The following OSBPL2 variants were observed in gnomAD, a reference collection of about 807,000 sequenced individuals.
The protein encoded by OSBPL2 is oxysterol binding protein like 2, also known as oxysterol-binding protein-related protein 2.
A neutral mutation model predicts 58.4 loss-of-function variants in OSBPL2; 18 were observed. The observed-to-expected ratio is 0.31, with a 90% CI of 0.21 to 0.46. OSBPL2 has a LOEUF of 0.46. OSBPL2 is among the 20% of genes least tolerant of loss of function. The pLI, the probability that OSBPL2 is intolerant of heterozygous loss-of-function variation, is 1.00. For synonymous variants in OSBPL2, 221 were observed against 234.1 expected (o/e 0.94, Z 0.51); for missense variants, 461 against 616.5 (o/e 0.75, Z 2.67).
intron 1 of OSBPL2, among the ~76,000 whole-genome samples, chr20:62,248,326 TGTATATTTTG>T (rs1980289966): frequency 6.6e-6 from 1 of 151,810 alleles, no homozygotes; most frequent in African/African-American, 2.4e-5. Context: ...GGCTAATTTT[TGTATATTTTG>T]GTAGAGATGG....
intron 7 of OSBPL2, chr20:62,279,626 G>A: frequency 2.1e-6 from 1 of 483,700 alleles, no homozygotes; most frequent in South Asian, 2.6e-5. Flanking sequence ...TCTGCAGTTG[G>A]AACTCACCCC....
At chr20:62,265,006 T>C (rs1981575017) in intron 4 of OSBPL2, among the ~76,000 whole-genome samples, 1 of 152,242 alleles carries the variant, frequency 6.6e-6, no homozygotes, top group Non-Finnish European at 1.5e-5. Flanking sequence ...TTAGTGGGAC[T>C]GTTAACCTGA....
chr20:62,252,694 T>TAAA (rs1371857453), intron 1 of OSBPL2, among the ~76,000 whole-genome samples: 1 of 152,132 alleles, frequency 6.6e-6, no homozygotes, highest in African/African-American at 2.4e-5. Context: ...TAAGGAAAGG[T>TAAA]CGTTTAATTA....
intron 1 of OSBPL2, among the ~76,000 whole-genome samples, chr20:62,239,944 C>G (rs540337108): frequency 6.6e-5 from 10 of 152,330 alleles, no homozygotes; most frequent in African/African-American, 2.2e-4. Flanking sequence ...CCTCCGTCTC[C>G]CGGCTTCAAG....
Position 62,272,435 on chromosome 20 carries a change from G to T in OSBPL2, c.393+176G>T, listed in dbSNP as rs530466874. Among the ~76,000 whole-genome samples, 86 of 152,288 alleles carry T rather than the reference G, an allele frequency of 5.6e-4. No homozygotes were observed. In the Middle Eastern group the frequency reaches 0.014, roughly 24 times the overall value. ...TGTCCTGTCACCACAGGTGTGTGAT[G>T]ACAGAACTTGCCGGAAATGCCATTG... On this transcript the variant is annotated intron_variant, in intron 5 of 13. Coordinates refer to ENST00000313733, the MANE Select transcript of OSBPL2 (RefSeq NM_144498.4).
At chr20:62,263,788 G>A (rs550351557) in intron 4 of OSBPL2, 97 bp downstream of exon 4, 36 of 1,106,868 alleles carry the variant, frequency 3.3e-5, no homozygotes, top group East Asian at 2.4e-4. Flanking sequence ...GCTCTTGGCC[G>A]GGCGCGGTGG....
At chr20:62,246,178 C>T (rs1980102328) in intron 1 of OSBPL2, among the ~76,000 whole-genome samples, 1 of 152,262 alleles carries the variant, frequency 6.6e-6, no homozygotes, top group South Asian at 2.1e-4. Flanking sequence ...TGGGGCTGGT[C>T]ACAGGCAGGG....
At position 62,275,796 on chromosome 20, in the gene OSBPL2, A is replaced by G. The variant is rs185946463; in HGVS notation, c.491+2390A>G. ...ATTTTTTTCTTTCTTTCATAAAATAATGGTGTGCAGTGCAATGAATGGCAT... is the reference window on the plus strand; with the variant it reads ...ATTTTTTTCTTTCTTTCATAAAATAGTGGTGTGCAGTGCAATGAATGGCAT... On this transcript the variant is annotated intron_variant, in intron 6 of 13. Transcript: ENST00000313733. Among the ~76,000 whole-genome samples, 461 of 152,178 alleles carry G rather than the reference A, an allele frequency of 3.0e-3. 2 individuals are homozygous for G. The highest frequency in any genetic ancestry group is 0.01 in the African/African-American group (419 of 41,530).
chr20:62,292,508 T>G (rs1292361268), intron 13 of OSBPL2, among the ~76,000 whole-genome samples: 2 of 152,252 alleles, frequency 1.3e-5, no homozygotes, highest in Non-Finnish European at 2.9e-5. Context: ...TTTCTGTAAC[T>G]GTCCTAAGCT....
chr20:62,256,224 G>A lies in OSBPL2; in HGVS notation c.37+3G>A, dbSNP rs1980913031. On this transcript the variant is annotated splice_donor_region_variant and intron_variant, in intron 2 of 13. Transcript: ENST00000313733. ...AGAATTCTTTGATGCCGTCACAGGT[G>A]AGTCAAAAGAGAACCAACTGGGGAC... is the stretch of plus-strand genomic sequence containing the variant. The A allele has an allele frequency of 6.2e-7, 1 of 1,613,420 alleles. No individual in the cohort carries two copies. The highest frequency in any genetic ancestry group is 8.5e-7 in the Non-Finnish European group (1 of 1,179,686).
At chr20:62,287,728 G>A (rs865795857) in intron 11 of OSBPL2, among the ~76,000 whole-genome samples, 4 of 152,212 alleles carry the variant, frequency 2.6e-5, no homozygotes, top group Admixed American at 6.5e-5. Flanking sequence ...GAGTTGCTGG[G>A]ACCACAGGCA....
intron 4 of OSBPL2, among the ~76,000 whole-genome samples, chr20:62,270,662 G>A (rs1159465294): frequency 1.6e-5 from 1 of 62,416 alleles, no homozygotes; most frequent in Non-Finnish European, 3.2e-5. Context: ...TCCCTCTCTG[G>A]GTCCTCTCCT....
chr20:62,291,527 C>A, intron 12 of OSBPL2, 176 bp from the exon 13 acceptor site: 2 of 654,976 alleles, frequency 3.1e-6, no homozygotes, highest in Non-Finnish European at 2.8e-6. Context: ...TGTTGGCGTG[C>A]CGGCCGCTGT....
At chr20:62,289,359 T>C (rs753664729) in intron 12 of OSBPL2, 29 bp downstream of exon 12, 46 of 1,608,092 alleles carry the variant, frequency 2.9e-5, no homozygotes, top group East Asian at 4.5e-5. Context: ...AGGAGGAAGC[T>C]TGGGGCCAAG....
At chr20:62,264,184 G>A (rs1321175857) in intron 4 of OSBPL2, among the ~76,000 whole-genome samples, 8 of 152,138 alleles carry the variant, frequency 5.3e-5, no homozygotes, top group Non-Finnish European at 1.2e-4. Flanking sequence ...TAGGTGAAAC[G>A]GGACATAAGA....
At chr20:62,275,863 G>A (rs551019446) in intron 6 of OSBPL2, among the ~76,000 whole-genome samples, 1 of 151,428 alleles carries the variant, frequency 6.6e-6, no homozygotes, top group Non-Finnish European at 1.5e-5. Flanking sequence ...ACTTAAGGCC[G>A]CTGTTTTGGG....
At chr20:62,244,730 A>C (rs1320750486) in intron 1 of OSBPL2, among the ~76,000 whole-genome samples, 3 of 152,160 alleles carry the variant, frequency 2.0e-5, no homozygotes, top group Non-Finnish European at 4.4e-5. Context: ...GACTGTGGTG[A>C]GTGGGGCGCT....
rs1434253518 is a variant in OSBPL2, at chr20:62,288,498, C to G, written c.1126-709C>G. On this transcript the variant is annotated intron_variant, in intron 11 of 13. Transcript: ENST00000313733. This position sits in a 1 kb window ranked among gnomAD's most constrained non-coding sequence, Gnocchi z 4.8. ...GGCTGTGGGTGCAGAGGCTGGGAGG[C>G]TGTGGGTGCAGAGGCCGGAGGCTGT... 3.4e-4 allele frequency among the ~76,000 whole-genome samples: 46 copies of G among 134,292 alleles called. 1 individual carries two copies. Among genetic ancestry groups the G allele is most frequent in the African/African-American group, 1.3e-3 (45 of 34,802 alleles). The allele number at this position is 134,292 out of a possible 152,430, so 88.1% of individuals were successfully genotyped here. A position where few individuals can be genotyped will look rare whatever the true frequency, so the allele number is the denominator to read the frequency against.
chr20:62,283,669 A>T (rs1046739722), intron 9 of OSBPL2, among the ~76,000 whole-genome samples: 3 of 152,166 alleles, frequency 2.0e-5, no homozygotes, highest in Admixed American at 6.5e-5. Context: ...TTTACATTTT[A>T]AAACGCTCAC....
Sources: allele counts gnomAD v4.1 joint callset (sites outside exome capture counted in the v4.1 genomes callset), GRCh38; gene constraint gnomAD v4.1.1; non-coding constraint Gnocchi (gnomAD v3.1); transcripts MANE v1.5; gene names NCBI Gene and HGNC (gene_info 2026-07-23, HGNC 2026-07-21).